IDS: variants seen among roughly 807,000 people sequenced by gnomAD.
The protein encoded by IDS is alpha-L-iduronate sulfate sulfatase.
A neutral mutation model predicts 33.5 loss-of-function variants in IDS; 1 was observed. That is an observed-to-expected ratio of 0.03 (90% CI 0.01 to 0.14). The LOEUF is 0.14. IDS is among the 10% of genes least tolerant of loss of function. The pLI, the probability that IDS is intolerant of heterozygous loss-of-function variation, is 1.00. For synonymous variants in IDS, 191 were observed against 184.4 expected, an observed-to-expected ratio of 1.04 and a Z score of -0.29; for missense variants, 328 against 448.0, an observed-to-expected ratio of 0.73 and a Z score of 2.42.
At chrX:149,496,645 TC>T in intron 5 of IDS, 129 bp from the exon 6 acceptor site, 1 of 664,944 alleles carries the variant, frequency 1.5e-6, no homozygotes, top group Non-Finnish European at 2.4e-6. Context: ...TCACTAGCAT[TC>T]CCCACGTGCT....
At chrX:149,502,055 G>T in intron 3 of IDS, 1 of 315,400 alleles carries the variant, frequency 3.2e-6, no homozygotes, top group Admixed American at 3.3e-5. Flanking sequence ...GGAGTGGCCA[G>T]CATGGTAAAC....
At position 149,496,472 on chromosome X, in the gene IDS, G is replaced by C; in HGVS notation, c.753C>G (p.Pro251=). 1 of 1,210,679 alleles carries C rather than the reference G, an allele frequency of 8.3e-7. No individual in the cohort carries two copies. The highest frequency in any genetic ancestry group is 1.1e-6 in the Non-Finnish European group (1 of 894,710). ...LYPLENITLA[P]DPEVPDGLPP... is the part of the protein sequence containing the mutation. ...GTAGGCCATCAGGGACCTCGGGATC[G>C]GGGGCCAGGGTGATGTTCTCCAAGG... is the stretch of plus-strand genomic sequence containing the variant. Residue 251 remains proline (P), a synonymous_variant, in exon 6 of 9, where the codon CCC becomes CCG. Transcript: ENST00000340855.
chrX:149,494,514 C>G (rs2089419948), intron 6 of IDS, among the ~76,000 whole-genome samples: 1 of 111,206 alleles, frequency 9.0e-6, no homozygotes, highest in Non-Finnish European at 1.9e-5. Context: ...AGAGCTGAGT[C>G]TCAAGGGTGC....
intron 3 of IDS, 128 bp from the exon 4 acceptor site, chrX:149,501,165 A>G (rs1557339951): frequency 9.2e-6 from 4 of 436,139 alleles, no homozygotes; most frequent in Non-Finnish European, 1.6e-5. Flanking sequence ...CCTCATCTAC[A>G]AAAGGTCCCC....
At chrX:149,484,542 G>T (rs781999299) in intron 8 of IDS, among the ~76,000 whole-genome samples, 1 of 112,542 alleles carries the variant, frequency 8.9e-6, no homozygotes, top group African/African-American at 3.2e-5. Context: ...GGATGGTCTT[G>T]ATCTCCTGAC....
chrX:149,501,041 G>GT lies in IDS; in HGVS notation c.419-5_419-4insA. 1 of 1,095,854 alleles carries GT rather than the reference G, an allele frequency of 9.1e-7. No individual in the cohort carries two copies. The highest frequency in any genetic ancestry group is 1.3e-6 in the Non-Finnish European group (1 of 794,009). 90.3% of individuals were successfully genotyped at this position (1,095,854 alleles called of 1,213,427 possible). A position where few individuals can be genotyped will look rare whatever the true frequency, so the allele number is the denominator to read the frequency against. Reference sequence around the variant, plus strand: ...TCGGTATGGTTAGAAGATATCCCTTGGAAAAAAAAAAAGGTTGTTAAAACA... The same window carrying GT: ...TCGGTATGGTTAGAAGATATCCCTTGTGAAAAAAAAAAAGGTTGTTAAAACA... On this transcript the variant is annotated splice_region_variant and splice_polypyrimidine_tract_variant and intron_variant, in intron 3 of 8. Coordinates refer to ENST00000340855, the MANE Select transcript of IDS (RefSeq NM_000202.8).
Position 149,480,507 on chromosome X carries a change from G to C in IDS, c.*2239C>G. The C allele has an allele frequency of 3.4e-6, 1 of 296,116 alleles. No homozygotes were observed. The highest frequency in any genetic ancestry group is 2.2e-4 in the South Asian group (1 of 4,544). The allele number at this position is 296,116 out of a possible 1,213,427, so 24.4% of individuals were successfully genotyped here. A position where few individuals can be genotyped will look rare whatever the true frequency, so the allele number is the denominator to read the frequency against. On this transcript the variant is annotated 3_prime_UTR_variant, in exon 9 of 9. Coordinates refer to ENST00000340855, the MANE Select transcript of IDS (RefSeq NM_000202.8). ...CTAGGAGTCTCCAAAGAAAATCACAGTCCTGCTGTGTTGCCGAGGCTGGAA... is the reference window on the plus strand; with the variant it reads ...CTAGGAGTCTCCAAAGAAAATCACACTCCTGCTGTGTTGCCGAGGCTGGAA...
intron 6 of IDS, chrX:149,491,794 C>T (rs1473444128): frequency 1.7e-5 from 6 of 361,606 alleles, no homozygotes; most frequent in African/African-American, 1.3e-4. Context: ...GCCACCCCAT[C>T]CAGTGAGGAC....
At position 149,505,197 on chromosome X, in the gene IDS, T is replaced by C. The variant is rs2089517653; in HGVS notation, c.-60A>G. On this transcript the variant is annotated 5_prime_UTR_variant, in exon 1 of 9. The change abolishes the stop of an existing upstream ORF in the 5' untranslated region. Coordinates refer to ENST00000340855, the MANE Select transcript of IDS (RefSeq NM_000202.8). ...GACAGGCTGCAGCAGGTGGCGCAGT[T>C]AGCAGCCGCCGCCGCAGCCACAGAG... 12 of 864,071 alleles carry C rather than the reference T, an allele frequency of 1.4e-5. No individual in the cohort carries two copies. The highest frequency in any genetic ancestry group is 1.8e-5 in the Non-Finnish European group (11 of 610,446). The allele number at this position is 864,071 out of a possible 1,213,427, so 71.2% of individuals were successfully genotyped here.
intron 7 of IDS, among the ~76,000 whole-genome samples, chrX:149,487,871 G>A (rs1557338326): frequency 2.1e-5 from 2 of 94,348 alleles, no homozygotes; most frequent in African/African-American, 7.9e-5. Context: ...AAGCTGCCAC[G>A]GGTAAATTTG....
intron 6 of IDS, among the ~76,000 whole-genome samples, chrX:149,495,162 A>G (rs1014710150): frequency 4.5e-5 from 5 of 112,269 alleles, no homozygotes; most frequent in African/African-American, 1.6e-4. Flanking sequence ...CATCACTAAT[A>G]AAGCATCCAG....
Position 149,482,545 on chromosome X carries a change from C to T in IDS, c.*201G>A. 3 of 535,427 alleles carry T rather than the reference C, an allele frequency of 5.6e-6. No homozygotes were observed. Among genetic ancestry groups the T allele is most frequent in the Non-Finnish European group, 8.6e-6 (3 of 349,583 alleles). 44.1% of individuals were successfully genotyped at this position (535,427 alleles called of 1,213,427 possible). ...TTAAAAAAAAAACTGGTCCAATTAC[C>T]AATTATAAATTTTAATAAAGACTAA... On this transcript the variant is annotated 3_prime_UTR_variant, in exon 9 of 9. Transcript: ENST00000340855.
chrX:149,488,975 C>A (rs2089365786), intron 7 of IDS, among the ~76,000 whole-genome samples: 2 of 110,645 alleles, frequency 1.8e-5, no homozygotes, highest in African/African-American at 6.6e-5. Flanking sequence ...CTTTCCCATG[C>A]CCAGAACTGC....
rs782371096 is a variant in IDS, at chrX:149,483,065, C to T, written c.1334G>A (p.Arg445His). The T allele has an allele frequency of 1.6e-5, 19 of 1,205,011 alleles. No individual in the cohort carries two copies. Among genetic ancestry groups the T allele is most frequent in the East Asian group, 8.9e-5 (3 of 33,661 alleles). Residue 445 changes from arginine (R) to histidine (H), a missense_variant, in exon 9 of 9, where the codon CGT (arginine) becomes CAT (histidine). Arg to His is a conservative substitution (Grantham distance 29). This residue lies in a region of IDS where 265 missense variants were observed against 339.2 expected (regional missense o/e 0.78). Transcript: ENST00000340855. ...GKNLLKHFRF[R>H]DLEEDPYLPG... ...GAGGTACGGATCCTCTTCCAAGTCA[C>T]GGAATCGAAAATGCTTCAGAAGGTT...
At chrX:149,500,731 A>G (rs1156589702) in intron 4 of IDS, among the ~76,000 whole-genome samples, 1 of 112,130 alleles carries the variant, frequency 8.9e-6, no homozygotes, top group African/African-American at 3.3e-5. Context: ...AAGGTTTTAG[A>G]ACAAGTAGCA....
chrX:149,490,420 G>A lies in IDS; in HGVS notation c.900C>T (p.Tyr300=). 8.3e-7 allele frequency: 1 copy of A among 1,211,291 alleles called. No individual in the cohort carries two copies. The highest frequency in any genetic ancestry group is 1.1e-6 in the Non-Finnish European group (1 of 895,138). Residue 300 remains tyrosine (Y), a synonymous_variant, in exon 7 of 9, where the codon TAC becomes TAT. Transcript: ENST00000340855. The part of the protein sequence containing the change: ...VDFQRKIRQS[Y]FASVSYLDTQ... The stretch of plus-strand genomic sequence containing the variant: ...TATCCAAATATGACACAGAGGCAAA[G>A]TAGCTCTGGCGGATTTTCCGCTGCA...
intron 8 of IDS, among the ~76,000 whole-genome samples, chrX:149,486,284 C>T (rs12846544): frequency 0.084 from 9,301 of 111,220 alleles, 544 homozygotes; most frequent in East Asian, 0.33. Flanking sequence ...TACCTTGTGA[C>T]GAATGGTTGA....
In IDS at chrX:149,496,353, T is replaced by C. The variant is rs1479027352; in HGVS notation, c.872A>G (p.Asp291Gly). ...ISVPYGPIPV[D>G]FQRKIRQSYF... ...AAACTATGTCCTTGATACCTGAAAG[T>C]CCACAGGAATTGGACCATACGGCAC... The change falls in exon 6 of 9, where the codon GAC becomes GGC. Residue 291 changes from aspartate (D) to glycine (G), a missense_variant. Asp to Gly is a moderately conservative substitution (Grantham distance 94). Transcript: ENST00000340855. 3.3e-6 allele frequency: 4 copies of C among 1,210,365 alleles called. No individual in the cohort carries two copies. Among genetic ancestry groups the C allele is most frequent in the Non-Finnish European group, 4.5e-6 (4 of 894,391 alleles).
In IDS at chrX:149,484,446, T is replaced by C. The variant is rs782784009; in HGVS notation, c.1181-1228A>G. Among the ~76,000 whole-genome samples the C allele has an allele frequency of 6.5e-3, 735 of 112,329 alleles. 5 individuals carry two copies. Among genetic ancestry groups the C allele is most frequent in the African/African-American group, 0.022 (694 of 30,933 alleles). On this transcript the variant is annotated intron_variant, in intron 8 of 8. Transcript: ENST00000340855. ...AAGTGATTCTCCTGCCTCAGCCTCC[T>C]GAGTAGCTGGGATTACAGGCATGCA...
Sources: allele counts gnomAD v4.1 joint callset (sites outside exome capture counted in the v4.1 genomes callset), GRCh38; gene constraint gnomAD v4.1.1; regional missense constraint gnomAD v4.1.1; transcripts MANE v1.5; gene names NCBI Gene and HGNC (gene_info 2026-07-23, HGNC 2026-07-21).